GABBR2: variants seen among roughly 807,000 people sequenced by gnomAD.
GABBR2 encodes the protein G-protein coupled receptor 51.
A neutral mutation model predicts 105.6 loss-of-function variants in GABBR2; 23 were observed. The observed-to-expected ratio is 0.22, with a 90% confidence interval of 0.16 to 0.31. The LOEUF is 0.31. Among genes scored for constraint, GABBR2 ranks in the 10% least tolerant of loss-of-function variants. The pLI, the probability that GABBR2 is intolerant of heterozygous loss-of-function variation, is 1.00. For missense variants in GABBR2, 734 were observed against 1,245.5 expected, an observed-to-expected ratio of 0.59 and a Z score of 6.18; for synonymous variants, 478 against 499.7, an observed-to-expected ratio of 0.96 and a Z score of 0.58.
rs1475220428 is a variant in GABBR2 at position 98,454,933 on chromosome 9, G to A, written c.1000-716C>T. Among the ~76,000 whole-genome samples the A allele has an allele frequency of 6.6e-6, 1 of 152,180 alleles. No individual in the cohort carries two copies. Among genetic ancestry groups the A allele is most frequent in the Non-Finnish European group, 1.5e-5 (1 of 68,028 alleles). ...TGGAAGTGGCTCCAGCTTATGGGTT[G>A]AGAATTCAGGGCACAGTCTGGAAGC... On this transcript the variant is annotated intron_variant, in intron 6 of 18. Coordinates refer to ENST00000259455, the MANE Select transcript of GABBR2 (RefSeq NM_005458.8). This position sits in a 1 kb window ranked among gnomAD's most constrained non-coding sequence, Gnocchi z 4.6.
At chr9:98,297,349 G>A (rs1360740006) in intron 17 of GABBR2, among the ~76,000 whole-genome samples, 2 of 152,182 alleles carry the variant, frequency 1.3e-5, no homozygotes, top group Non-Finnish European at 2.9e-5. Context: ...GGTGGCTTAT[G>A]CCTGTAATCC....
At chr9:98,492,930 C>T (rs932601811) in intron 4 of GABBR2, among the ~76,000 whole-genome samples, 2 of 152,200 alleles carry the variant, frequency 1.3e-5, no homozygotes, top group Admixed American at 6.5e-5. Flanking sequence ...ATCCCCCCTT[C>T]TCCTACTGTA....
intron 2 of GABBR2, among the ~76,000 whole-genome samples, chr9:98,570,197 G>A (rs1828809870): frequency 6.6e-6 from 1 of 152,192 alleles, no homozygotes. Context: ...AAGCCGAAAT[G>A]TTCCTTCCCA....
intron 7 of GABBR2, among the ~76,000 whole-genome samples, chr9:98,440,914 C>T (rs1404392057): frequency 6.6e-6 from 1 of 152,144 alleles, no homozygotes; most frequent in African/African-American, 2.4e-5. Flanking sequence ...GCTAACATAC[C>T]TTGACACACA....
chr9:98,556,443 A>G (rs1828585285), intron 2 of GABBR2, among the ~76,000 whole-genome samples: 2 of 152,206 alleles, frequency 1.3e-5, no homozygotes, highest in African/African-American at 2.4e-5. Flanking sequence ...CACCTCTGAA[A>G]TGTGCTTCAT....
intron 6 of GABBR2, among the ~76,000 whole-genome samples, chr9:98,461,123 G>C (rs1315074294): frequency 2.0e-5 from 3 of 152,038 alleles, no homozygotes; most frequent in African/African-American, 7.2e-5. Context: ...AAGAGTCACA[G>C]TAAAAGAAAG....
At chr9:98,374,008 C>A (rs1162196909) in intron 11 of GABBR2, among the ~76,000 whole-genome samples, 1 of 151,980 alleles carries the variant, frequency 6.6e-6, no homozygotes, top group Non-Finnish European at 1.5e-5. Context: ...CAGGCATGCA[C>A]CACCATGCCC....
chr9:98,618,559 T>C (rs1177155683), intron 1 of GABBR2, among the ~76,000 whole-genome samples: 2 of 151,964 alleles, frequency 1.3e-5, no homozygotes. Flanking sequence ...TCTGAATATT[T>C]CTGTCTATTT....
chr9:98,696,140 G>A (rs1395970818), intron 1 of GABBR2, among the ~76,000 whole-genome samples: 3 of 152,200 alleles, frequency 2.0e-5, no homozygotes, highest in Non-Finnish European at 4.4e-5. Flanking sequence ...TAGAGAAAAC[G>A]TGATAGTGGA....
chr9:98,508,273 C>T (rs1827554501), intron 3 of GABBR2, among the ~76,000 whole-genome samples: 1 of 152,132 alleles, frequency 6.6e-6, no homozygotes, highest in Non-Finnish European at 1.5e-5. Context: ...AAAACCATTC[C>T]CTGGGGAGGA....
At chr9:98,528,762 G>A (rs762896040) in intron 3 of GABBR2, among the ~76,000 whole-genome samples, 2 of 152,016 alleles carry the variant, frequency 1.3e-5, no homozygotes, top group Non-Finnish European at 2.9e-5. Flanking sequence ...AATAGCAATC[G>A]CCAAAAATCA....
Position 98,334,567 on chromosome 9 carries a change from G to A in GABBR2, c.1894-23362C>T, listed in dbSNP as rs189028981. On this transcript the variant is annotated intron_variant, in intron 13 of 18. Transcript: ENST00000259455. ...GACACTGTTGTCATTATTATAGTAC[G>A]TGTTTGCTTACTATTGGGTGCTTGC... Among the ~76,000 whole-genome samples the A allele has an allele frequency of 3.4e-5, 5 of 147,490 alleles. No homozygotes were observed. In the East Asian group the frequency reaches 6.3e-4, roughly 19 times the overall value.
chr9:98,326,955 C>T (rs1349845983), intron 13 of GABBR2, among the ~76,000 whole-genome samples: 2 of 152,210 alleles, frequency 1.3e-5, no homozygotes, highest in Non-Finnish European at 2.9e-5. Context: ...AAGGTGTGGG[C>T]CTGGGCCCTG....
At position 98,447,092 on chromosome 9, in the gene GABBR2, C is replaced by T. The variant is rs1002419626; in HGVS notation, c.1236+6889G>A. Among the ~76,000 whole-genome samples, 7 of 96,966 alleles carry T rather than the reference C, an allele frequency of 7.2e-5. 1 individual carries two copies. The highest frequency in any genetic ancestry group is 5.5e-4 in the Admixed American group (5 of 9,072). 63.6% of individuals were successfully genotyped at this position (96,966 alleles called of 152,430 possible). On this transcript the variant is annotated intron_variant, in intron 7 of 18. Transcript: ENST00000259455. ...TTTTTTTTTTTTTGAGACGGAGTCT[C>T]GCTCTGTCGCCCAGGCTGGAGTGCA...
chr9:98,325,163 T>C (rs991768482), intron 13 of GABBR2, among the ~76,000 whole-genome samples: 2 of 152,276 alleles, frequency 1.3e-5, no homozygotes, highest in East Asian at 3.9e-4. Flanking sequence ...ATGGTTAGAT[T>C]GGACTTAAAT....
In GABBR2 at chr9:98,436,317, CAT is replaced by C. The variant is rs1259502827; in HGVS notation, c.1236+17662_1236+17663del. On this transcript the variant is annotated intron_variant, in intron 7 of 18. Transcript: ENST00000259455. ...TATATATATATACCCATAAATATAC[CAT>C]ATATATATATATACACACACACACA... Among the ~76,000 whole-genome samples, 42 of 33,430 alleles carry C rather than the reference CAT, an allele frequency of 1.3e-3. 1 individual carries two copies. Among genetic ancestry groups the C allele is most frequent in the Admixed American group, 4.6e-3 (12 of 2,620 alleles). The allele number at this position is 33,430 out of a possible 152,430, so 21.9% of individuals were successfully genotyped here.
chr9:98,316,064 G>A (rs1262487150), intron 13 of GABBR2, among the ~76,000 whole-genome samples: 3 of 152,196 alleles, frequency 2.0e-5, no homozygotes, highest in Non-Finnish European at 4.4e-5. Flanking sequence ...CCCGGGCTTC[G>A]GCCTCTTCTC....
At chr9:98,703,837 A>C (rs1265736812) in intron 1 of GABBR2, among the ~76,000 whole-genome samples, 1 of 151,672 alleles carries the variant, frequency 6.6e-6, no homozygotes, top group Non-Finnish European at 1.5e-5. Flanking sequence ...TTTTTAATAA[A>C]ATTAAAAATT....
At chr9:98,613,730 CAG>C (rs1829541656) in intron 1 of GABBR2, among the ~76,000 whole-genome samples, 1 of 152,316 alleles carries the variant, frequency 6.6e-6, no homozygotes, top group East Asian at 1.9e-4. Flanking sequence ...GAGAGGAAAA[CAG>C]AGACATTTTA....
Sources: gnomAD v4.1 joint callset for allele counts (sites outside exome capture counted in the v4.1 genomes callset) on GRCh38, gnomAD v4.1.1 for gene constraint, Gnocchi (gnomAD v3.1) non-coding constraint, MANE v1.5 for transcripts, NCBI Gene and HGNC (gene_info 2026-07-23, HGNC 2026-07-21) for gene names.